The following RAB38 variants were observed in gnomAD, a reference collection of about 807,000 sequenced individuals.
The protein encoded by RAB38 is RAB38, member RAS oncogene family.
RAB38 carries 15 observed loss-of-function variants against 18.4 expected under a neutral mutation model. The ratio of observed to expected loss-of-function variants is 0.82; its 90% CI spans 0.55 to 1.26. RAB38 has a LOEUF of 1.26. Ranked by LOEUF, RAB38 falls within the 50% of genes most tolerant of loss-of-function variation. The pLI is 0.00. For synonymous variants in RAB38, 101 were observed against 104.4 expected (o/e 0.97, Z 0.20); for missense variants, 294 against 267.4 (o/e 1.10, Z -0.69).
chr11:87,964,294 G>C, the RAB38 span, among the ~76,000 whole-genome samples: 12 of 152,036 alleles, frequency 7.9e-5, no homozygotes, highest in Non-Finnish European at 1.8e-4. Flanking sequence ...AACCAAGAAG[G>C]AACTCCAGTG....
chr11:88,018,706 T>C, the RAB38 span, among the ~76,000 whole-genome samples: 1 of 152,178 alleles, frequency 6.6e-6, no homozygotes, highest in Non-Finnish European at 1.5e-5. Flanking sequence ...TGTGTAATAT[T>C]TGCATATAAC....
the RAB38 span, among the ~76,000 whole-genome samples, chr11:88,075,009 A>G: frequency 6.6e-6 from 1 of 152,236 alleles, no homozygotes; most frequent in Non-Finnish European, 1.5e-5. Context: ...GGATATACCA[A>G]TTGTAAATAT....
chr11:87,945,609 C>A, the RAB38 span, among the ~76,000 whole-genome samples: 1 of 152,000 alleles, frequency 6.6e-6, no homozygotes, highest in African/African-American at 2.4e-5. Context: ...CTACTAAAGC[C>A]CATGCCAATT....
the RAB38 span, among the ~76,000 whole-genome samples, chr11:87,914,259 G>C: frequency 1.7e-4 from 26 of 152,060 alleles, 1 homozygote; most frequent in Non-Finnish European, 3.7e-4. Flanking sequence ...TAGAAACATA[G>C]ACAGTAAAGG....
At chr11:87,855,895 A>G in the RAB38 span, among the ~76,000 whole-genome samples, 1 of 152,152 alleles carries the variant, frequency 6.6e-6, no homozygotes, top group African/African-American at 2.4e-5. Flanking sequence ...TTGTTTGTGT[A>G]TCTTTTTATG....
At chr11:88,125,605 C>A (rs547750251) in intron 2 of RAB38, among the ~76,000 whole-genome samples, 15 of 151,420 alleles carry the variant, frequency 9.9e-5, no homozygotes, top group Non-Finnish European at 1.9e-4. Context: ...TGTGTAGATT[C>A]TGGATATTAG....
the RAB38 span, among the ~76,000 whole-genome samples, chr11:88,035,225 G>A: frequency 1.3e-5 from 2 of 151,994 alleles, no homozygotes; most frequent in African/African-American, 2.4e-5. Flanking sequence ...GTCTTTTGAT[G>A]AATAAAGTTT....
At chr11:87,873,947 T>C in the RAB38 span, among the ~76,000 whole-genome samples, 24 of 141,330 alleles carry the variant, frequency 1.7e-4, 1 homozygote, top group African/African-American at 6.0e-4. Context: ...TATATATATA[T>C]ATACTCTGCA....
chr11:88,072,758 GA>G, the RAB38 span, among the ~76,000 whole-genome samples: 16 of 151,048 alleles, frequency 1.1e-4, no homozygotes, highest in East Asian at 1.9e-4. Flanking sequence ...CATTACCAAA[GA>G]AAAAAATATT....
At chr11:88,032,468 T>A in the RAB38 span, among the ~76,000 whole-genome samples, 1 of 152,140 alleles carries the variant, frequency 6.6e-6, no homozygotes, top group Non-Finnish European at 1.5e-5. Context: ...AGAAAATTTT[T>A]GCAACCTACT....
the RAB38 span, among the ~76,000 whole-genome samples, chr11:88,046,075 C>T: frequency 2.6e-5 from 4 of 152,186 alleles, no homozygotes; most frequent in Non-Finnish European, 5.9e-5. Context: ...CACCTTAACC[C>T]ACAAGTATAG....
Position 88,174,620 on chromosome 11 carries a change from CAA to C in RAB38, c.202+561_202+562del, listed in dbSNP as rs60026669. ...TACTTGGCTTACTGTAAGCAAAAAG[CAA>C]AAAAAAAAAAAAAAAAAAACAAAAC... On this transcript the variant is annotated intron_variant, in intron 1 of 2. Coordinates refer to ENST00000243662, the MANE Select transcript of RAB38 (RefSeq NM_022337.3). Among the ~76,000 whole-genome samples the C allele has an allele frequency of 6.5e-3, 662 of 101,110 alleles. 1 individual carries two copies. The highest frequency in any genetic ancestry group is 0.024 in the African/African-American group (621 of 25,952). 66.3% of individuals were successfully genotyped at this position (101,110 alleles called of 152,430 possible). A position where few individuals can be genotyped will look rare whatever the true frequency, so the allele number is the denominator to read the frequency against.
downstream of RAB38, chr11:88,113,196 C>CAA (rs1017845541): frequency 7.8e-5 from 10 of 128,966 alleles, no homozygotes; most frequent in East Asian, 1.4e-3. Flanking sequence ...TTACTTTGTC[C>CAA]GAAAAAAAAA....
At chr11:87,886,145 A>C in the RAB38 span, among the ~76,000 whole-genome samples, 1 of 151,816 alleles carries the variant, frequency 6.6e-6, no homozygotes, top group African/African-American at 2.4e-5. Context: ...GGGCTCCCAG[A>C]TCTAAGGGCC....
At chr11:87,819,090 C>T in the RAB38 span, among the ~76,000 whole-genome samples, 2 of 152,202 alleles carry the variant, frequency 1.3e-5, no homozygotes, top group East Asian at 3.9e-4. Flanking sequence ...TTCAGGTTTG[C>T]GGATTTCTGT....
the RAB38 span, among the ~76,000 whole-genome samples, chr11:87,952,056 A>C: frequency 2.6e-5 from 4 of 151,902 alleles, no homozygotes; most frequent in African/African-American, 9.7e-5. Context: ...TGGGGAGCTG[A>C]GTGAAATACG....
chr11:87,916,171 G>T, the RAB38 span, among the ~76,000 whole-genome samples: 1 of 152,080 alleles, frequency 6.6e-6, no homozygotes, highest in African/African-American at 2.4e-5. Flanking sequence ...GGAGACTATT[G>T]GGAGGGAATG....
the RAB38 span, among the ~76,000 whole-genome samples, chr11:87,928,883 C>T: frequency 4.6e-5 from 7 of 152,080 alleles, no homozygotes; most frequent in South Asian, 2.1e-4. Context: ...GGGAGGCCAA[C>T]GCAGGCGGAT....
chr11:87,947,233 G>A, the RAB38 span, among the ~76,000 whole-genome samples: 1 of 114,340 alleles, frequency 8.7e-6, no homozygotes. Flanking sequence ...CTTTTTGATG[G>A]GGTTGTTTTT....
Sources: allele counts gnomAD v4.1 joint callset (sites outside exome capture counted in the v4.1 genomes callset), GRCh38; gene constraint gnomAD v4.1.1; transcripts MANE v1.5; gene names NCBI Gene and HGNC (gene_info 2026-07-23, HGNC 2026-07-21).